TJP2: variants seen among roughly 807,000 people sequenced by gnomAD.
The protein encoded by TJP2 is Friedreich ataxia region gene X104 (tight junction protein ZO-2).
Under a neutral mutation model 133.1 loss-of-function variants are expected in TJP2, and 91 were observed. That is an observed-to-expected ratio of 0.68 (90% CI 0.58 to 0.81). TJP2 has a LOEUF of 0.81. TJP2 is among the 40% of genes least tolerant of loss of function. The probability of loss-of-function intolerance (pLI) is 0.00; values close to 1 mark genes in which losing one functional copy is unlikely to be tolerated. For missense variants in TJP2, 1,541 were observed against 1,565.6 expected, an observed-to-expected ratio of 0.98 and a Z score of 0.26; for synonymous variants, 592 against 583.4, an observed-to-expected ratio of 1.01 and a Z score of -0.21.
upstream of TJP2, among the ~76,000 whole-genome samples, chr9:69,169,375 G>T (rs1824552506): frequency 6.7e-6 from 1 of 149,900 alleles, no homozygotes; most frequent in Non-Finnish European, 1.5e-5. Flanking sequence ...TTTTTGGGGG[G>T]GGGATGGAGT....
chr9:69,227,671 C>G, intron 7 of TJP2, 94 bp from the exon 8 acceptor site: 1 of 850,574 alleles, frequency 1.2e-6, no homozygotes, highest in Non-Finnish European at 1.9e-6. Context: ...TTTCCATTTC[C>G]CGTGTTTCCT....
intron 1 of TJP2, among the ~76,000 whole-genome samples, chr9:69,212,024 G>T (rs1827951413): frequency 6.6e-6 from 1 of 152,126 alleles, no homozygotes. Flanking sequence ...AGTCCCAGTG[G>T]TCTATTTATG....
chr9:69,242,832 C>G (rs1830663549), intron 17 of TJP2, among the ~76,000 whole-genome samples: 1 of 152,164 alleles, frequency 6.6e-6, no homozygotes, highest in African/African-American at 2.4e-5. Flanking sequence ...TACATTTGAG[C>G]AGTAGAATCT....
chr9:69,167,062 G>A (rs1281505500), intron 2 of TJP2, among the ~76,000 whole-genome samples: 1 of 151,432 alleles, frequency 6.6e-6, no homozygotes, highest in South Asian at 2.1e-4. Flanking sequence ...GTGAAACCCC[G>A]TCTCTACGAA....
upstream of TJP2, among the ~76,000 whole-genome samples, chr9:69,173,734 G>C (rs1824822981): frequency 6.6e-6 from 1 of 152,174 alleles, no homozygotes; most frequent in Non-Finnish European, 1.5e-5. Flanking sequence ...CTCTTCGTAG[G>C]AGAACTGAAG....
intron 1 of TJP2, among the ~76,000 whole-genome samples, chr9:69,175,016 C>G (rs1332332493): frequency 6.6e-6 from 1 of 151,376 alleles, no homozygotes; most frequent in Non-Finnish European, 1.5e-5. Context: ...GCCTACCTGT[C>G]ACCAGTTCTT....
At chr9:69,139,440 C>G (rs533969282) in intron 1 of TJP2, among the ~76,000 whole-genome samples, 10 of 152,256 alleles carry the variant, frequency 6.6e-5, no homozygotes, top group Admixed American at 2.0e-4. Context: ...AATTTGGACA[C>G]AGACACATAC....
At position 69,176,549 on chromosome 9, in the gene TJP2, TC is replaced by T. The variant is rs1036908981; in HGVS notation, c.60+2120del. Among the ~76,000 whole-genome samples, 144 of 152,324 alleles carry T rather than the reference TC, an allele frequency of 9.5e-4. 2 individuals carry two copies. Among genetic ancestry groups the T allele is most frequent in the African/African-American group, 3.3e-3 (138 of 41,572 alleles). On this transcript the variant is annotated intron_variant, in intron 1 of 22. Transcript: ENST00000377245. ...CCTCATGTATTAAATGACTTGACTT[TC>T]CCTACAAAAGAAGCGAACCAGTTTC...
At chr9:69,181,287 C>T (rs996171004) in intron 1 of TJP2, among the ~76,000 whole-genome samples, 1 of 124,262 alleles carries the variant, frequency 8.0e-6, no homozygotes, top group Admixed American at 1.1e-4. Flanking sequence ...CTAGCCCTAT[C>T]GCTGAGGCTG....
intron 1 of TJP2, among the ~76,000 whole-genome samples, chr9:69,186,383 A>G (rs7864775): frequency 0.46 from 70,658 of 152,118 alleles, 16,673 homozygotes; most frequent in South Asian, 0.53. Context: ...AATATTCGAA[A>G]TGGAAAGATA....
At chr9:69,233,710 G>T (rs1425063919) in intron 11 of TJP2, among the ~76,000 whole-genome samples, 1 of 152,096 alleles carries the variant, frequency 6.6e-6, no homozygotes, top group Non-Finnish European at 1.5e-5. Flanking sequence ...CCAGGAGGCG[G>T]AGGTTGCAGT....
intron 1 of TJP2, among the ~76,000 whole-genome samples, chr9:69,180,339 A>T (rs974576074): frequency 1.3e-5 from 2 of 152,212 alleles, no homozygotes; most frequent in Non-Finnish European, 2.9e-5. Flanking sequence ...TTGTCACTTG[A>T]GTTGAAGGTA....
At chr9:69,148,477 C>A (rs1006581352) in intron 1 of TJP2, among the ~76,000 whole-genome samples, 8 of 150,726 alleles carry the variant, frequency 5.3e-5, no homozygotes, top group Non-Finnish European at 1.0e-4. Context: ...CGGGTTGAAG[C>A]AATTCTCCTG....
chr9:69,172,820 GC>G (rs1472802589), upstream of TJP2, among the ~76,000 whole-genome samples: 2 of 152,162 alleles, frequency 1.3e-5, no homozygotes, highest in East Asian at 3.9e-4. Flanking sequence ...TGATTCTCCT[GC>G]CTTGCCTTCC....
At chr9:69,252,475 G>T (rs1446904570) in intron 21 of TJP2, among the ~76,000 whole-genome samples, 1 of 152,064 alleles carries the variant, frequency 6.6e-6, no homozygotes, top group Non-Finnish European at 1.5e-5. Flanking sequence ...TTTACTTTCT[G>T]TTTTTTGTGA....
chr9:69,213,350 C>T (rs192744843), intron 2 of TJP2, among the ~76,000 whole-genome samples: 11 of 152,280 alleles, frequency 7.2e-5, no homozygotes, highest in Admixed American at 1.3e-4. Flanking sequence ...CGTGAGCCAC[C>T]GTGCCCAGAC....
chr9:69,139,198 T>C (rs4406474), intron 1 of TJP2, among the ~76,000 whole-genome samples: 64,547 of 152,008 alleles, frequency 0.42, 13,967 homozygotes, highest in East Asian at 0.62. Context: ...GCCTGGGTGA[T>C]AGAGTGAGAC....
At position 69,254,427 on chromosome 9, in the gene TJP2, C is replaced by G; in HGVS notation, c.*53C>G. On this transcript the variant is annotated 3_prime_UTR_variant, in exon 23 of 23. Transcript: ENST00000377245. ...TGCCTGCATGGCATCAGACTAGCCA[C>G]TCCTGCCAGGCCGCCGGGATGGTTC... is the stretch of plus-strand genomic sequence containing the variant. 1.9e-6 allele frequency: 3 copies of G among 1,610,594 alleles called. No individual in the cohort carries two copies. Among genetic ancestry groups the G allele is most frequent in the Non-Finnish European group, 2.5e-6 (3 of 1,178,390 alleles).
rs185593983 is a variant in TJP2 at position 69,191,894 on chromosome 9, G to A, written c.60+17462G>A. On this transcript the variant is annotated intron_variant, in intron 1 of 22. Coordinates refer to ENST00000377245, the MANE Select transcript of TJP2 (RefSeq NM_004817.4). ...TGGGATTATAGGCACGTACCACCACGCCTGGCTAATTTTTGTATATTTAGT... is the reference window on the plus strand; with the variant it reads ...TGGGATTATAGGCACGTACCACCACACCTGGCTAATTTTTGTATATTTAGT... Among the ~76,000 whole-genome samples, 414 of 144,468 alleles carry A rather than the reference G, an allele frequency of 2.9e-3. 5 individuals are homozygous for A. The highest frequency in any genetic ancestry group is 1.6e-3 in the Non-Finnish European group (108 of 66,222). The allele number at this position is 144,468 out of a possible 152,430, so 94.8% of individuals were successfully genotyped here.
Sources: gnomAD v4.1 joint callset for allele counts (sites outside exome capture counted in the v4.1 genomes callset) on GRCh38, gnomAD v4.1.1 for gene constraint, MANE v1.5 for transcripts, NCBI Gene and HGNC (gene_info 2026-07-23, HGNC 2026-07-21) for gene names.